Variants in SFI1 observed in about 807,000 individuals in gnomAD.
The protein encoded by SFI1 is SFI1 centrin binding protein.
A neutral mutation model predicts 207.5 loss-of-function variants in SFI1; 195 were observed. That is an observed-to-expected ratio of 0.94 (90% confidence interval 0.84 to 1.06). The LOEUF is 1.06. Among genes scored for constraint, SFI1 ranks in the 50% least tolerant of loss-of-function variants. SFI1 has a pLI of 0.00. For missense variants in SFI1, 1,634 were observed against 1,588.0 expected, an observed-to-expected ratio of 1.03 and a Z score of -0.49; for synonymous variants, 630 against 598.9, an observed-to-expected ratio of 1.05 and a Z score of -0.76.
intron 1 of SFI1, among the ~76,000 whole-genome samples, chr22:31,502,559 A>T (rs537925445): frequency 3.2e-3 from 479 of 151,962 alleles, no homozygotes; most frequent in African/African-American, 0.011. Flanking sequence ...TTTTTATTAG[A>T]GACGGGGTTT....
rs2070813901 is a variant in SFI1 at position 31,613,724 on chromosome 22, T to C, written c.2865T>C (p.Phe955=). Residue 955 remains phenylalanine (F), a synonymous_variant, in exon 27 of 33, where the codon TTT becomes TTC. Transcript: ENST00000400288. ...AAIAPSRKVT[F]EGPLLNRIAA... ...TCGCACCCAGCAGGAAAGTGACGTT[T>C]GAGGGTCCCCTTCTCAACCGCATTG... The C allele has an allele frequency of 1.9e-6, 3 of 1,613,180 alleles. No individual in the cohort carries two copies. The African/African-American group carries it at 4.0e-5, about 22-fold the overall frequency.
In SFI1 at chr22:31,498,860, C is replaced by CTT. The variant is rs60377913; in HGVS notation, c.-31+2237_-31+2238dup. ...TGGATGAGGAGTGGCTTCTTTTTTT[C>CTT]TTTTTTTTTTTTTTTGAGATGGAGT... On this transcript the variant is annotated intron_variant, in intron 1 of 32. Coordinates refer to ENST00000400288, the MANE Select transcript of SFI1 (RefSeq NM_001007467.3). 1.7e-3 allele frequency among the ~76,000 whole-genome samples: 227 copies of CTT among 134,816 alleles called. 3 individuals are homozygous for CTT. Among genetic ancestry groups the CTT allele is most frequent in the African/African-American group, 3.2e-3 (115 of 36,452 alleles). 88.4% of individuals were successfully genotyped at this position (134,816 alleles called of 152,430 possible). A position where few individuals can be genotyped will look rare whatever the true frequency, so the allele number is the denominator to read the frequency against.
chr22:31,618,247 C>G, intron 32 of SFI1, 21 bp downstream of exon 32: 3 of 1,597,204 alleles, frequency 1.9e-6, no homozygotes, highest in Non-Finnish European at 1.7e-6. Context: ...AGGCCATCCC[C>G]AGGTGTCCCT....
intron 15 of SFI1, among the ~76,000 whole-genome samples, chr22:31,590,975 A>ATTTTTTTTTTT (rs997391866): frequency 7.3e-6 from 1 of 137,248 alleles, no homozygotes; most frequent in Non-Finnish European, 1.6e-5. Context: ...TTATTTATTT[A>ATTTTTTTTTTT]TTTATTTTTT....
intron 8 of SFI1, among the ~76,000 whole-genome samples, chr22:31,567,156 C>T (rs180915904): frequency 1.2e-4 from 19 of 152,316 alleles, no homozygotes; most frequent in African/African-American, 3.8e-4. Context: ...CCGCCCACCT[C>T]GGCCTCCCAA....
intron 2 of SFI1, among the ~76,000 whole-genome samples, chr22:31,516,966 CAAAT>C (rs1228215662): frequency 6.6e-6 from 1 of 150,602 alleles, no homozygotes; most frequent in Non-Finnish European, 1.5e-5. Context: ...AATAAACAAA[CAAAT>C]AAATAAAAAT....
At chr22:31,529,132 G>A in intron 3 of SFI1, 1 of 369,248 alleles carries the variant, frequency 2.7e-6, no homozygotes, top group Non-Finnish European at 4.9e-6. Context: ...GTCCAAGAAA[G>A]AAGGAACTAC....
intron 4 of SFI1, among the ~76,000 whole-genome samples, chr22:31,531,823 G>C (rs2058556784): frequency 6.6e-6 from 1 of 151,934 alleles, no homozygotes; most frequent in East Asian, 1.9e-4. Flanking sequence ...AACCCTGGAG[G>C]CGGAGGTTGC....
At chr22:31,557,612 A>G (rs1240612217) in intron 7 of SFI1, among the ~76,000 whole-genome samples, 1 of 151,968 alleles carries the variant, frequency 6.6e-6, no homozygotes, top group Non-Finnish European at 1.5e-5. Context: ...TGTGTTCTAA[A>G]CCCTGTGTTA....
At chr22:31,519,303 C>T (rs934753967) in intron 2 of SFI1, among the ~76,000 whole-genome samples, 7 of 148,268 alleles carry the variant, frequency 4.7e-5, no homozygotes, top group Non-Finnish European at 7.4e-5. Context: ...CAGGGTCTTG[C>T]TCTGTCGCTC....
rs764649720 is a variant in SFI1 at position 31,616,894 on chromosome 22, T to C, written c.3433+17T>C. The stretch of plus-strand genomic sequence containing the variant: ...CAACTGCAGGTGTGTACCTGGGGCC[T>C]GTCAGGGCAGAAAGCACTCAGGCCA... On this transcript the variant is annotated intron_variant, in intron 30 of 32. Transcript: ENST00000400288. The C allele has an allele frequency of 1.3e-5, 21 of 1,609,466 alleles. No homozygotes were observed. The highest frequency in any genetic ancestry group is 1.8e-5 in the Non-Finnish European group (21 of 1,177,624).
intron 8 of SFI1, among the ~76,000 whole-genome samples, chr22:31,561,745 T>A (rs530355194): frequency 3.9e-5 from 6 of 152,232 alleles, no homozygotes; most frequent in Non-Finnish European, 5.9e-5. Flanking sequence ...GAAAAGAAAC[T>A]TAAGACTGAA....
chr22:31,539,791 C>T (rs2147681068), intron 4 of SFI1, among the ~76,000 whole-genome samples: 1 of 152,154 alleles, frequency 6.6e-6, no homozygotes, highest in Admixed American at 6.6e-5. Flanking sequence ...TCTCAGCCCA[C>T]TGCAACCTCT....
rs1433208231 is a variant in SFI1, at chr22:31,592,850, C to CG, written c.1544+3280dup. ...CTCCCGGACGGGGCGGCTGGCCAGG[C>CG]GGGGGGGCTGACCCCCCCATCTCCC... On this transcript the variant is annotated intron_variant, in intron 15 of 32. Transcript: ENST00000400288. 5.9e-3 allele frequency among the ~76,000 whole-genome samples: 557 copies of CG among 94,340 alleles called. 33 individuals carry two copies. Among genetic ancestry groups the CG allele is most frequent in the African/African-American group, 0.024 (513 of 20,980 alleles). The allele number at this position is 94,340 out of a possible 152,430, so 61.9% of individuals were successfully genotyped here.
Position 31,578,436 on chromosome 22 carries a change from A to G in SFI1, c.1139A>G (p.His380Arg). Reference protein sequence around the residue: ...AAQFEMAEEHHRHSQLYFCFR... With the variant: ...AAQFEMAEEHRRHSQLYFCFR... ...CAGTTTGAGATGGCAGAAGAGCACC[A>G]CAGGCACAGCCAGCTGGTAAGAGCC... Residue 380 changes from histidine (H) to arginine (R), a missense_variant, in exon 11 of 33, where the codon CAC (histidine) becomes CGC (arginine). Physicochemically the swap from His to Arg is conservative, Grantham distance 29. Transcript: ENST00000400288. 6.2e-7 allele frequency: 1 copy of G among 1,613,716 alleles called. No homozygotes were observed. Among genetic ancestry groups the G allele is most frequent in the Non-Finnish European group, 8.5e-7 (1 of 1,179,760 alleles).
At chr22:31,509,676 C>T (rs971825041) in intron 2 of SFI1, among the ~76,000 whole-genome samples, 1 of 152,168 alleles carries the variant, frequency 6.6e-6, no homozygotes, top group African/African-American at 2.4e-5. Flanking sequence ...ACTTTGCGTC[C>T]TTCAATTCAA....
intron 6 of SFI1, among the ~76,000 whole-genome samples, chr22:31,554,597 T>C (rs992264570): frequency 2.3e-5 from 3 of 129,106 alleles, no homozygotes; most frequent in East Asian, 2.4e-4. Context: ...CTTGAGCCAC[T>C]GCGCCCAGCC....
At position 31,501,320 on chromosome 22, in the gene SFI1, C is replaced by T. The variant is rs969258131; in HGVS notation, c.-31+4683C>T. On this transcript the variant is annotated intron_variant, in intron 1 of 32. Coordinates refer to ENST00000400288, the MANE Select transcript of SFI1 (RefSeq NM_001007467.3). Reference sequence around the variant, plus strand: ...CCGAGTAGCTGGGACTACAGGCGCCCGCCACCACGCCCGGCTAATTTTTTG... The same window carrying T: ...CCGAGTAGCTGGGACTACAGGCGCCTGCCACCACGCCCGGCTAATTTTTTG... 1.5e-4 allele frequency among the ~76,000 whole-genome samples: 22 copies of T among 151,670 alleles called. 1 individual carries two copies. Among genetic ancestry groups the T allele is most frequent in the Non-Finnish European group, 2.4e-4 (16 of 67,952 alleles).
At chr22:31,549,288 TAAAAAAAAAAA>T (rs59382278) in intron 5 of SFI1, among the ~76,000 whole-genome samples, 1 of 37,222 alleles carries the variant, frequency 2.7e-5, no homozygotes, top group Admixed American at 4.0e-4. Context: ...AGACCCTGTG[TAAAAAAAAAAA>T]AAAAAAAAAA....
Sources: gnomAD v4.1 joint callset for allele counts (sites outside exome capture counted in the v4.1 genomes callset) on GRCh38, gnomAD v4.1.1 for gene constraint, MANE v1.5 for transcripts, NCBI Gene and HGNC (gene_info 2026-07-23, HGNC 2026-07-21) for gene names.